SPAG16: variants seen among roughly 807,000 people sequenced by gnomAD.
The protein encoded by SPAG16 is sperm associated antigen 16, also known as sperm-associated antigen 16 protein.
A neutral mutation model predicts 80.4 loss-of-function variants in SPAG16; 86 were observed. The observed-to-expected ratio is 1.07, with a 90% CI of 0.90 to 1.28. The LOEUF is 1.28. Among genes scored for constraint, SPAG16 ranks in the 50% most tolerant of loss-of-function variants. The probability of loss-of-function intolerance (pLI) is 0.00; values close to 1 mark genes in which losing one functional copy is unlikely to be tolerated. For synonymous variants in SPAG16, 294 were observed against 265.9 expected, an observed-to-expected ratio of 1.11 and a Z score of -1.03; for missense variants, 870 against 765.3, an observed-to-expected ratio of 1.14 and a Z score of -1.61.
At chr2:213,764,895 A>G (rs1211555287) in intron 10 of SPAG16, among the ~76,000 whole-genome samples, 1 of 152,200 alleles carries the variant, frequency 6.6e-6, no homozygotes, top group Admixed American at 6.5e-5. Flanking sequence ...TGAGAAGGAT[A>G]TTTTATGCAT....
At chr2:213,316,539 T>A (rs1401468668) in intron 4 of SPAG16, among the ~76,000 whole-genome samples, 1 of 152,056 alleles carries the variant, frequency 6.6e-6, no homozygotes, top group East Asian at 1.9e-4. Context: ...ATTGCTTTCC[T>A]CACTGTGACT....
chr2:213,857,081 C>A (rs2372263), intron 10 of SPAG16, among the ~76,000 whole-genome samples: 1 of 151,768 alleles, frequency 6.6e-6, no homozygotes, highest in Admixed American at 6.6e-5. Context: ...AATACAAAAA[C>A]TAGCCAGGCA....
rs1484785052 is a variant in SPAG16 at position 213,898,454 on chromosome 2, G to A, written c.1215-31506G>A. ...GATCTATAGAGACATGTGAAATTCA[G>A]ATGAAAACTGTGATCTTTTCTGGAG... On this transcript the variant is annotated intron_variant, in intron 11 of 15. Coordinates refer to ENST00000331683, the MANE Select transcript of SPAG16 (RefSeq NM_024532.5). Among the ~76,000 whole-genome samples the A allele has an allele frequency of 2.0e-5, 3 of 152,258 alleles. No individual in the cohort carries two copies. In the East Asian group the frequency reaches 5.8e-4, roughly 29 times the overall value.
intron 12 of SPAG16, among the ~76,000 whole-genome samples, chr2:213,995,352 C>A (rs926337434): frequency 6.6e-6 from 1 of 152,148 alleles, no homozygotes; most frequent in Admixed American, 6.5e-5. Flanking sequence ...TTGAGAGCAC[C>A]ATGCTGTGCT....
chr2:213,816,660 A>G (rs920842655), intron 10 of SPAG16, among the ~76,000 whole-genome samples: 2 of 152,112 alleles, frequency 1.3e-5, no homozygotes, highest in Non-Finnish European at 2.9e-5. Flanking sequence ...TGGTGTGATA[A>G]AAAGATAGCC....
chr2:213,442,508 A>G (rs769168703), intron 9 of SPAG16, among the ~76,000 whole-genome samples: 1 of 152,318 alleles, frequency 6.6e-6, no homozygotes, highest in Non-Finnish European at 1.5e-5. Context: ...ACACTACCTG[A>G]CTTCAAGACT....
chr2:214,393,371 A>G (rs1701193539), intron 15 of SPAG16, among the ~76,000 whole-genome samples: 1 of 152,144 alleles, frequency 6.6e-6, no homozygotes, highest in Non-Finnish European at 1.5e-5. Flanking sequence ...GTTTTGTTCA[A>G]TGATCCCCTG....
At chr2:213,891,109 C>T (rs2076769478) in intron 11 of SPAG16, among the ~76,000 whole-genome samples, 1 of 151,854 alleles carries the variant, frequency 6.6e-6, no homozygotes, top group Non-Finnish European at 1.5e-5. Context: ...ATTTTATAAA[C>T]ACAGAATATA....
intron 15 of SPAG16, among the ~76,000 whole-genome samples, chr2:214,280,053 C>T (rs1692800193): frequency 6.6e-6 from 1 of 152,182 alleles, no homozygotes; most frequent in Non-Finnish European, 1.5e-5. Context: ...CACCAACGAT[C>T]ACTTTAAGAC....
chr2:213,702,022 A>G (rs2065453822), intron 10 of SPAG16, among the ~76,000 whole-genome samples: 1 of 152,170 alleles, frequency 6.6e-6, no homozygotes, highest in Admixed American at 6.5e-5. Flanking sequence ...GAAGGTTTGT[A>G]AACTCACTAA....
At chr2:213,962,169 T>C (rs1227911650) in intron 12 of SPAG16, among the ~76,000 whole-genome samples, 1 of 151,862 alleles carries the variant, frequency 6.6e-6, no homozygotes, top group East Asian at 1.9e-4. Context: ...AAAGCCCTAA[T>C]CCAATAGAAC....
chr2:213,601,718 T>C (rs1274971059), intron 10 of SPAG16, among the ~76,000 whole-genome samples: 1 of 152,242 alleles, frequency 6.6e-6, no homozygotes, highest in African/African-American at 2.4e-5. Context: ...ACCTTTTCTA[T>C]GTTTAAATGT....
intron 10 of SPAG16, among the ~76,000 whole-genome samples, chr2:213,621,584 A>T (rs1406679741): frequency 1.3e-5 from 2 of 152,154 alleles, no homozygotes; most frequent in African/African-American, 2.4e-5. Context: ...ATAGAAATGT[A>T]CCTGGAGACA....
chr2:214,189,161 C>G (rs1576454546), intron 15 of SPAG16, among the ~76,000 whole-genome samples: 1 of 152,204 alleles, frequency 6.6e-6, no homozygotes, highest in East Asian at 1.9e-4. Flanking sequence ...TGGCGAATGA[C>G]AGACTCACAA....
intron 15 of SPAG16, among the ~76,000 whole-genome samples, chr2:214,213,766 A>G (rs1419910093): frequency 1.3e-5 from 2 of 152,188 alleles, no homozygotes; most frequent in African/African-American, 4.8e-5. Flanking sequence ...AATCAATTCT[A>G]TCTACTGGGT....
intron 11 of SPAG16, among the ~76,000 whole-genome samples, chr2:213,896,596 A>T (rs1252265984): frequency 2.1e-5 from 3 of 145,326 alleles, no homozygotes; most frequent in African/African-American, 7.4e-5. Context: ...ACACACGCAC[A>T]CACACACACA....
At chr2:213,856,720 T>A (rs2075186482) in intron 10 of SPAG16, among the ~76,000 whole-genome samples, 1 of 152,206 alleles carries the variant, frequency 6.6e-6, no homozygotes, top group Non-Finnish European at 1.5e-5. Flanking sequence ...TTGCCCCTGT[T>A]AGTCATTGCT....
intron 11 of SPAG16, among the ~76,000 whole-genome samples, chr2:213,886,860 C>A (rs546606432): frequency 2.0e-5 from 3 of 152,022 alleles, no homozygotes; most frequent in African/African-American, 7.2e-5. Flanking sequence ...AAAATTAGAA[C>A]AATGGACACT....
intron 9 of SPAG16, among the ~76,000 whole-genome samples, chr2:213,400,608 T>TA (rs781134428): frequency 5.9e-5 from 9 of 152,198 alleles, no homozygotes; most frequent in Non-Finnish European, 1.3e-4. Context: ...TTCCTGTAGT[T>TA]TTCATGATAT....
Sources: allele counts gnomAD v4.1 joint callset (sites outside exome capture counted in the v4.1 genomes callset), GRCh38; gene constraint gnomAD v4.1.1; transcripts MANE v1.5; gene names NCBI Gene and HGNC (gene_info 2026-07-23, HGNC 2026-07-21).